The following MTHFD1 variants were observed in gnomAD, a reference collection of about 807,000 sequenced individuals.
The protein encoded by MTHFD1 is C-1-tetrahydrofolate synthase, cytoplasmic.
A neutral mutation model predicts 110.3 loss-of-function variants in MTHFD1; 44 were observed. The ratio of observed to expected loss-of-function variants is 0.40; its 90% CI spans 0.31 to 0.51. The LOEUF is 0.51. Ranked by LOEUF, MTHFD1 falls within the 20% of genes least tolerant of loss-of-function variation. MTHFD1 has a pLI of 0.60. For synonymous variants in MTHFD1, 402 were observed against 428.8 expected (o/e 0.94, Z 0.77); for missense variants, 909 against 1,173.1 (o/e 0.77, Z 3.29).
intron 6 of MTHFD1, among the ~76,000 whole-genome samples, chr14:64,416,303 T>C (rs2078026297): frequency 6.6e-6 from 1 of 152,208 alleles, no homozygotes; most frequent in African/African-American, 2.4e-5. Context: ...GCAAGTAACT[T>C]GTCTGGGAGA....
At chr14:64,443,180 C>T (rs965305809) in intron 21 of MTHFD1, among the ~76,000 whole-genome samples, 1 of 152,180 alleles carries the variant, frequency 6.6e-6, no homozygotes, top group African/African-American at 2.4e-5. Flanking sequence ...CCTAATGTAG[C>T]AGTTCTCTGT....
chr14:64,442,011 A>C, intron 19 of MTHFD1, 43 bp from the exon 20 acceptor site: 1 of 1,315,718 alleles, frequency 7.6e-7, no homozygotes, highest in Non-Finnish European at 1.1e-6. Flanking sequence ...CCCACTTTGA[A>C]GCAGGATTGG....
At chr14:64,447,937 A>G in intron 22 of MTHFD1, 1 of 471,612 alleles carries the variant, frequency 2.1e-6, no homozygotes, top group Middle Eastern at 6.2e-4. Context: ...ATGATGTGGC[A>G]TAATGACAGG....
At chr14:64,440,670 T>A in intron 18 of MTHFD1, 1 of 291,898 alleles carries the variant, frequency 3.4e-6, no homozygotes, top group Non-Finnish European at 6.7e-6. Flanking sequence ...TGCGTAATAT[T>A]GCAGTTTCAG....
At chr14:64,430,513 G>T (rs1278821008) in intron 13 of MTHFD1, among the ~76,000 whole-genome samples, 2 of 150,342 alleles carry the variant, frequency 1.3e-5, no homozygotes, top group African/African-American at 5.0e-5. Context: ...GGCCAAGCTG[G>T]TCTTGAACTC....
chr14:64,441,408 G>C lies in MTHFD1; in HGVS notation c.1839G>C (p.Val613=), dbSNP rs779810696. 6.2e-7 allele frequency: 1 copy of C among 1,614,098 alleles called. No individual in the cohort carries two copies. The highest frequency in any genetic ancestry group is 8.5e-7 in the Non-Finnish European group (1 of 1,179,976). ...EDLGVSGALT[V]LMKDAIKPNL... Reference sequence around the variant, plus strand: ...AGGGGGTGAGTGGTGCACTGACAGTGCTTATGAAGGACGCAATCAAGCCCA... The same window carrying C: ...AGGGGGTGAGTGGTGCACTGACAGTCCTTATGAAGGACGCAATCAAGCCCA... The change falls in exon 19 of 28, where the codon GTG becomes GTC. Residue 613 remains valine, a synonymous_variant. Transcript: ENST00000652337.
chr14:64,415,482 A>G lies in MTHFD1; in HGVS notation c.365A>G (p.Lys122Arg). The change falls in exon 5 of 28, where the codon AAG (lysine) becomes AGG (arginine). Residue 122 changes from lysine (K) to arginine (R), a missense_variant. Physicochemically the swap from Lys to Arg is conservative, Grantham distance 26 (BLOSUM62 2). Transcript: ENST00000652337. ...EEVINAIAPE[K>R]DVDGLTSINA... The stretch of plus-strand genomic sequence containing the variant: ...GTGATCAATGCTATTGCACCCGAGA[A>G]GGATGTGGATGGGTAAGTGTGGCTT... The G allele has an allele frequency of 6.2e-7, 1 of 1,614,170 alleles. No homozygotes were observed. The highest frequency in any genetic ancestry group is 8.5e-7 in the Non-Finnish European group (1 of 1,180,014).
At position 64,431,540 on chromosome 14, in the gene MTHFD1, C is replaced by T. The variant is rs750306556; in HGVS notation, c.1320C>T (p.Leu440=). ...CTTCTGTTCTTTTGTAGTTTAATCTCCACCTCACAGGTGACATCCATGCCA... is the reference window on the plus strand; with the variant it reads ...CTTCTGTTCTTTTGTAGTTTAATCTTCACCTCACAGGTGACATCCATGCCA... ...SQVIPMEEFN[L]HLTGDIHAIT... Residue 440 remains leucine (L), a synonymous_variant, in exon 14 of 28, where the codon CTC becomes CTT. Coordinates refer to ENST00000652337, the MANE Select transcript of MTHFD1 (RefSeq NM_005956.4). The T allele has an allele frequency of 6.2e-7, 1 of 1,613,650 alleles. No individual in the cohort carries two copies. The highest frequency in any genetic ancestry group is 1.1e-5 in the South Asian group (1 of 91,070).
intron 8 of MTHFD1, among the ~76,000 whole-genome samples, chr14:64,420,619 G>A (rs369582047): frequency 5.9e-5 from 9 of 152,258 alleles, no homozygotes; most frequent in African/African-American, 1.9e-4. Flanking sequence ...GATGGGCTGT[G>A]ATAACTTCCT....
chr14:64,414,446 T>G (rs1206006274), intron 4 of MTHFD1, among the ~76,000 whole-genome samples: 1 of 151,776 alleles, frequency 6.6e-6, no homozygotes, highest in Non-Finnish European at 1.5e-5. Flanking sequence ...CATGCGCCAC[T>G]ATGCCCGGCT....
At chr14:64,455,506 T>TA (rs1298469163) in intron 26 of MTHFD1, among the ~76,000 whole-genome samples, 1 of 152,228 alleles carries the variant, frequency 6.6e-6, no homozygotes, top group Non-Finnish European at 1.5e-5. Flanking sequence ...CTTAAGGACA[T>TA]AATCATAGTT....
At chr14:64,420,635 G>A (rs1383759864) in intron 8 of MTHFD1, among the ~76,000 whole-genome samples, 2 of 152,218 alleles carry the variant, frequency 1.3e-5, no homozygotes, top group Non-Finnish European at 2.9e-5. Context: ...TTCCTTGCAG[G>A]TGTCCCTCCC....
chr14:64,391,970 G>C (rs978367111), intron 1 of MTHFD1, among the ~76,000 whole-genome samples: 1 of 152,190 alleles, frequency 6.6e-6, no homozygotes, highest in African/African-American at 2.4e-5. Flanking sequence ...ATTGTGAGCT[G>C]GTGGGAAGCA....
rs578120132 is a variant in MTHFD1 at position 64,441,186 on chromosome 14, C to T, written c.1816-199C>T. ...CAGCCTGGGCAACACAGCCAGACTCCGTCTCAAAAAATAAATAATTTAATA... is the reference window on the plus strand; with the variant it reads ...CAGCCTGGGCAACACAGCCAGACTCTGTCTCAAAAAATAAATAATTTAATA... On this transcript the variant is annotated intron_variant, in intron 18 of 27. Coordinates refer to ENST00000652337, the MANE Select transcript of MTHFD1 (RefSeq NM_005956.4). The T allele has an allele frequency of 1.1e-4, 62 of 571,518 alleles. 1 individual carries two copies. Among genetic ancestry groups the T allele is most frequent in the East Asian group, 9.4e-4 (28 of 29,772 alleles). The allele number at this position is 571,518 out of a possible 1,614,324, so 35.4% of individuals were successfully genotyped here.
At chr14:64,402,207 C>G (rs2077903033) in intron 2 of MTHFD1, among the ~76,000 whole-genome samples, 1 of 152,178 alleles carries the variant, frequency 6.6e-6, no homozygotes, top group Admixed American at 6.5e-5. Flanking sequence ...AATATTTACC[C>G]CATGCATGGT....
intron 16 of MTHFD1, among the ~76,000 whole-genome samples, chr14:64,437,916 T>C (rs8022537): frequency 0.31 from 47,590 of 151,980 alleles, 7,861 homozygotes; most frequent in East Asian, 0.61. Context: ...TCTTGTTGCC[T>C]AGGCTAGAGT....
At chr14:64,411,409 A>T (rs1327175010) in intron 3 of MTHFD1, among the ~76,000 whole-genome samples, 2 of 152,200 alleles carry the variant, frequency 1.3e-5, no homozygotes, top group African/African-American at 4.8e-5. Context: ...CGATCATTTT[A>T]GGAGATTTAT....
At chr14:64,396,648 C>T (rs1203883280) in intron 1 of MTHFD1, among the ~76,000 whole-genome samples, 1 of 151,312 alleles carries the variant, frequency 6.6e-6, no homozygotes, top group Non-Finnish European at 1.5e-5. Flanking sequence ...ATCCACCCAC[C>T]TCAGCCTCCC....
intron 17 of MTHFD1, 58 bp downstream of exon 17, chr14:64,439,230 C>T: frequency 8.1e-7 from 1 of 1,234,274 alleles, no homozygotes; most frequent in East Asian, 2.3e-5. Flanking sequence ...CTTGCTGCTT[C>T]TCTCCTCCTC....
Sources: gnomAD v4.1 joint callset for allele counts (sites outside exome capture counted in the v4.1 genomes callset) on GRCh38, gnomAD v4.1.1 for gene constraint, MANE v1.5 for transcripts, NCBI Gene and HGNC (gene_info 2026-07-23, HGNC 2026-07-21) for gene names.